Variants in UTP3 observed in about 807,000 individuals in gnomAD.
The protein encoded by UTP3 is something about silencing protein 10.
A neutral mutation model predicts 37.9 loss-of-function variants in UTP3; 19 were observed. The observed-to-expected ratio is 0.50, with a 90% CI of 0.35 to 0.74. The LOEUF is 0.74. UTP3 is among the 30% of genes least tolerant of loss of function. UTP3 has a pLI of 0.01. For synonymous variants in UTP3, 242 were observed against 218.5 expected, an observed-to-expected ratio of 1.11 and a Z score of -0.95; for missense variants, 504 against 570.7, an observed-to-expected ratio of 0.88 and a Z score of 1.19.
In UTP3 at chr4:70,689,166, G is replaced by A. The variant is rs1251959640; in HGVS notation, c.489G>A (p.Glu163=). Residue 163 remains glutamate (E), a synonymous_variant, in exon 1 of 1, where the codon GAG becomes GAA. Coordinates refer to ENST00000254803, the MANE Select transcript of UTP3 (RefSeq NM_020368.3). ...EAEEEEREEE[E]EAQIIQRRLA... ...AGGAGGAGGAAAGAGAGGAGGAGGA[G>A]GAGGCACAGATCATTCAGCGGCGCC... 5.0e-6 allele frequency: 8 copies of A among 1,613,972 alleles called. No homozygotes were observed. The highest frequency in any genetic ancestry group is 4.4e-5 in the South Asian group (4 of 91,076).
rs1224559086 is a variant in UTP3, at chr4:70,689,936, G to C, written c.1259G>C (p.Gly420Ala). ...AITYQIAKNR[G>A]LTPRRKKIDR... ...ACCTATCAAATTGCTAAAAATAGGG[G>C]ACTTACTCCTAGGAGAAAGAAGATT... The change falls in exon 1 of 1, where the codon GGA becomes GCA. Residue 420 changes from glycine (G) to alanine (A), a missense_variant. Physicochemically the swap from Gly to Ala is moderately conservative, Grantham distance 60 (BLOSUM62 0). Coordinates refer to ENST00000254803, the MANE Select transcript of UTP3 (RefSeq NM_020368.3). 9 of 1,613,966 alleles carry C rather than the reference G, an allele frequency of 5.6e-6. No homozygotes were observed. Among genetic ancestry groups the C allele is most frequent in the Non-Finnish European group, 6.8e-6 (8 of 1,180,020 alleles).
rs1012001776 is a variant in UTP3, at chr4:70,688,973, G to T, written c.296G>T (p.Gly99Val). The change falls in exon 1 of 1, where the codon GGG (glycine) becomes GTG (valine). Residue 99 changes from glycine to valine, a missense_variant. Coordinates refer to ENST00000254803, the MANE Select transcript of UTP3 (RefSeq NM_020368.3). ...GACGACGAAGATGGAGGGAATGCGG[G>T]GGAGGAGGAGGAGGAGGAGAATGCC... is the stretch of plus-strand genomic sequence containing the variant. ...DEDDEDGGNA[G>V]EEEEEENADD... 1.9e-6 allele frequency: 3 copies of T among 1,599,950 alleles called. No homozygotes were observed. The highest frequency in any genetic ancestry group is 2.6e-6 in the Non-Finnish European group (3 of 1,171,766).
At position 70,689,250 on chromosome 4, in the gene UTP3, A is replaced by G. The variant is rs779054921; in HGVS notation, c.573A>G (p.Lys191=). The G allele has an allele frequency of 6.2e-7, 1 of 1,614,138 alleles. No individual in the cohort carries two copies. The highest frequency in any genetic ancestry group is 8.5e-7 in the Non-Finnish European group (1 of 1,180,008). Residue 191 remains lysine, a synonymous_variant, in exon 1 of 1, where the codon AAA becomes AAG. Coordinates refer to ENST00000254803, the MANE Select transcript of UTP3 (RefSeq NM_020368.3). ...TCGCCTGGGTTGAGGCCTTTGCAAA[A>G]CCAGTGCCTCAGGTAGATGAGGCTG... ...FGVAWVEAFA[K]PVPQVDEAET...
rs1739583986 is a variant in UTP3 at position 70,689,862 on chromosome 4, T to C, written c.1185T>C (p.Asn395=). The change falls in exon 1 of 1, where the codon AAT becomes AAC. Residue 395 remains asparagine, a synonymous_variant. Coordinates refer to ENST00000254803, the MANE Select transcript of UTP3 (RefSeq NM_020368.3). ...AGCTAAAGAGAAAGAAAGAAGAAAA[T>C]AGCACTGAAGAACAGGCTCTTGAAG... The part of the protein sequence containing the change: ...RQKLKRKKEE[N]STEEQALEDQ... 1 of 1,613,760 alleles carries C rather than the reference T, an allele frequency of 6.2e-7. No homozygotes were observed. Among genetic ancestry groups the C allele is most frequent in the African/African-American group, 1.3e-5 (1 of 74,902 alleles).
chr4:70,688,818 G>C lies in UTP3; in HGVS notation c.141G>C (p.Gln47His). The stretch of plus-strand genomic sequence containing the variant: ...GGGACACCAGCTACTACCAAGATCA[G>C]GTAGATGACTTTCATGAGGCACGAT... Reference protein sequence around the residue: ...SPGDTSYYQDQVDDFHEARSR... With the variant: ...SPGDTSYYQDHVDDFHEARSR... The change falls in exon 1 of 1, where the codon CAG becomes CAC. Residue 47 changes from glutamine (Q) to histidine (H), a missense_variant. Gln to His is a conservative substitution (Grantham distance 24, BLOSUM62 0). Transcript: ENST00000254803. 1 of 1,614,144 alleles carries C rather than the reference G, an allele frequency of 6.2e-7. No homozygotes were observed. The highest frequency in any genetic ancestry group is 8.5e-7 in the Non-Finnish European group (1 of 1,180,028).
At position 70,689,093 on chromosome 4, in the gene UTP3, C is replaced by A. The variant is rs751118443; in HGVS notation, c.416C>A (p.Thr139Lys). Reference protein sequence around the residue: ...WGQRKKLYYDTDYGSKSRGRQ... With the variant: ...WGQRKKLYYDKDYGSKSRGRQ... ...CAGAGGAAAAAACTTTACTATGACA[C>A]GGACTATGGTTCCAAGTCCCGAGGC... The change falls in exon 1 of 1, where the codon ACG (threonine) becomes AAG (lysine). Residue 139 changes from threonine (T) to lysine (K), a missense_variant. Transcript: ENST00000254803. 2 of 1,610,196 alleles carry A rather than the reference C, an allele frequency of 1.2e-6. No individual in the cohort carries two copies.
rs1216419965 is a variant in UTP3, at chr4:70,689,941, A to C, written c.1264A>C (p.Thr422Pro). 2 of 1,613,994 alleles carry C rather than the reference A, an allele frequency of 1.2e-6. No individual in the cohort carries two copies. Among genetic ancestry groups the C allele is most frequent in the Non-Finnish European group, 1.7e-6 (2 of 1,180,006 alleles). The part of the protein sequence containing the change: ...TYQIAKNRGL[T>P]PRRKKIDRNP... ...TCAAATTGCTAAAAATAGGGGACTT[A>C]CTCCTAGGAGAAAGAAGATTGATCG... The change falls in exon 1 of 1, where the codon ACT becomes CCT. Residue 422 changes from threonine (T) to proline (P), a missense_variant. Transcript: ENST00000254803.
At position 70,688,810 on chromosome 4, in the gene UTP3, C is replaced by T; in HGVS notation, c.133C>T (p.Gln45Ter). 6.2e-7 allele frequency: 1 copy of T among 1,614,132 alleles called. No homozygotes were observed. Among genetic ancestry groups the T allele is most frequent in the Non-Finnish European group, 8.5e-7 (1 of 1,180,038 alleles). The change falls in exon 1 of 1, where the codon CAA becomes TAA. Residue 45 changes from glutamine to a stop codon, truncating the protein, a stop_gained. Transcript: ENST00000254803. LOFTEE classifies it high-confidence loss of function. ...PPSPGDTSYY[Q>*]DQVDDFHEAR... The stretch of plus-strand genomic sequence containing the variant: ...CTCACCAGGGGACACCAGCTACTAC[C>T]AAGATCAGGTAGATGACTTTCATGA...
Position 70,690,080 on chromosome 4 carries a change from T to C in UTP3, c.1403T>C (p.Ile468Thr). Residue 468 changes from isoleucine (I) to threonine (T), a missense_variant, in exon 1 of 1, where the codon ATT becomes ACT. Ile to Thr is a moderately conservative substitution (Grantham distance 89, BLOSUM62 -1). Coordinates refer to ENST00000254803, the MANE Select transcript of UTP3 (RefSeq NM_020368.3). ...CGTTATAGTGGTGAATTATCTGGCATTCGTGCAGGAGTTAAAAAGAGCATT... is the reference window on the plus strand; with the variant it reads ...CGTTATAGTGGTGAATTATCTGGCACTCGTGCAGGAGTTAAAAAGAGCATT... ...EQRYSGELSGIRAGVKKSIKL... is the reference protein window; with the variant it reads ...EQRYSGELSGTRAGVKKSIKL... The C allele has an allele frequency of 6.2e-7, 1 of 1,610,590 alleles. No individual in the cohort carries two copies. Among genetic ancestry groups the C allele is most frequent in the Non-Finnish European group, 8.5e-7 (1 of 1,179,166 alleles).
chr4:70,688,944 T>C lies in UTP3; in HGVS notation c.267T>C (p.Asp89=). ...AGGTGCTAGCCCTAGATATGGACGA[T>C]GAGGACGACGAAGATGGAGGGAATG... ...EEEVLALDMD[D]EDDEDGGNAG... The change falls in exon 1 of 1, where the codon GAT becomes GAC. Residue 89 remains aspartate, a synonymous_variant. Transcript: ENST00000254803. The C allele has an allele frequency of 1.2e-6, 2 of 1,607,568 alleles. No individual in the cohort carries two copies. The highest frequency in any genetic ancestry group is 1.7e-6 in the Non-Finnish European group (2 of 1,176,602).
rs920450837 is a variant in UTP3 at position 70,690,233 on chromosome 4, G to A, written c.*116G>A. On this transcript the variant is annotated 3_prime_UTR_variant, in exon 1 of 1. Transcript: ENST00000254803. ...AATTTTAAAAATTCTTGTCCACAAG[G>A]AAATTTGTCTGGGTTATTGGACAAT... The A allele has an allele frequency of 1.9e-5, 22 of 1,144,104 alleles. No homozygotes were observed. The African/African-American group carries it at 3.2e-4, about 17-fold the overall frequency. The allele number at this position is 1,144,104 out of a possible 1,614,324, so 70.9% of individuals were successfully genotyped here.
In UTP3 at chr4:70,688,920, G is replaced by A; in HGVS notation, c.243G>A (p.Glu81=). The A allele has an allele frequency of 6.2e-7, 1 of 1,612,868 alleles. No homozygotes were observed. The highest frequency in any genetic ancestry group is 1.1e-5 in the South Asian group (1 of 90,942). ...AGGATGGCGAGGAGGAGGAGGAGGA[G>A]GTGCTAGCCCTAGATATGGACGATG... The part of the protein sequence containing the change: ...DEEDGEEEEE[E]VLALDMDDED... The change falls in exon 1 of 1, where the codon GAG becomes GAA. Residue 81 remains glutamate, a synonymous_variant. Transcript: ENST00000254803.
At position 70,688,980 on chromosome 4, in the gene UTP3, G is replaced by C; in HGVS notation, c.303G>C (p.Glu101Asp). The change falls in exon 1 of 1, where the codon GAG becomes GAC. Residue 101 changes from glutamate (E) to aspartate (D), a missense_variant. Coordinates refer to ENST00000254803, the MANE Select transcript of UTP3 (RefSeq NM_020368.3). ...DDEDGGNAGE[E>D]EEEENADDDG... Reference sequence around the variant, plus strand: ...AAGATGGAGGGAATGCGGGGGAGGAGGAGGAGGAGGAGAATGCCGATGATG... The same window carrying C: ...AAGATGGAGGGAATGCGGGGGAGGACGAGGAGGAGGAGAATGCCGATGATG... The C allele has an allele frequency of 2.5e-6, 4 of 1,597,734 alleles. No individual in the cohort carries two copies. The highest frequency in any genetic ancestry group is 2.6e-6 in the Non-Finnish European group (3 of 1,170,654).
In UTP3 at chr4:70,690,154, A is replaced by G; in HGVS notation, c.*37A>G. On this transcript the variant is annotated 3_prime_UTR_variant, in exon 1 of 1. Coordinates refer to ENST00000254803, the MANE Select transcript of UTP3 (RefSeq NM_020368.3). ...AGCATAAGGTTTTTGGCAGTTTTGG[A>G]TCAATAAATTTTTACTTTTAACTAA... 1 of 1,522,532 alleles carries G rather than the reference A, an allele frequency of 6.6e-7. No individual in the cohort carries two copies. Among genetic ancestry groups the G allele is most frequent in the Non-Finnish European group, 8.8e-7 (1 of 1,139,932 alleles). 94.3% of individuals were successfully genotyped at this position (1,522,532 alleles called of 1,614,324 possible). A position where few individuals can be genotyped will look rare whatever the true frequency, so the allele number is the denominator to read the frequency against.
At position 70,689,141 on chromosome 4, in the gene UTP3, A is replaced by G. The variant is rs1231397171; in HGVS notation, c.464A>G (p.Glu155Gly). 3 of 1,613,738 alleles carry G rather than the reference A, an allele frequency of 1.9e-6. No individual in the cohort carries two copies. The highest frequency in any genetic ancestry group is 1.3e-5 in the African/African-American group (1 of 74,834). Residue 155 changes from glutamate (E) to glycine (G), a missense_variant, in exon 1 of 1, where the codon GAG becomes GGG. Transcript: ENST00000254803. ...GGCCGGCAGAGTCAACAGGAGGCAG[A>G]GGAGGAGGAAAGAGAGGAGGAGGAG... ...SRGRQSQQEA[E>G]EEEREEEEEA...
chr4:70,690,357 C>CT lies in UTP3; in HGVS notation c.*242dup, dbSNP rs1437674771. ...GAAGTTTTCCAATATTAAGTATTAGCTTAGGGAAATTTCACAGTTCATTGT... is the reference window on the plus strand; with the variant it reads ...GAAGTTTTCCAATATTAAGTATTAGCTTTAGGGAAATTTCACAGTTCATTGT... On this transcript the variant is annotated 3_prime_UTR_variant, in exon 1 of 1. Coordinates refer to ENST00000254803, the MANE Select transcript of UTP3 (RefSeq NM_020368.3). The CT allele has an allele frequency of 3.2e-6, 1 of 314,384 alleles. No individual in the cohort carries two copies. Among genetic ancestry groups the CT allele is most frequent in the Non-Finnish European group, 5.8e-6 (1 of 171,676 alleles). The allele number at this position is 314,384 out of a possible 1,614,324, so 19.5% of individuals were successfully genotyped here.
Position 70,690,041 on chromosome 4 carries a change from G to T in UTP3, c.1364G>T (p.Arg455Leu), listed in dbSNP as rs370936337. 1 of 1,614,074 alleles carries T rather than the reference G, an allele frequency of 6.2e-7. No homozygotes were observed. Among genetic ancestry groups the T allele is most frequent in the Non-Finnish European group, 8.5e-7 (1 of 1,180,018 alleles). The change falls in exon 1 of 1, where the codon CGT becomes CTT. Residue 455 changes from arginine to leucine, a missense_variant. Arg to Leu is a moderately radical substitution (Grantham distance 102). Coordinates refer to ENST00000254803, the MANE Select transcript of UTP3 (RefSeq NM_020368.3). Reference protein sequence around the residue: ...IRRRGQVREVRKEEQRYSGEL... With the variant: ...IRRRGQVREVLKEEQRYSGEL... ...AGAAGAGGCCAGGTTCGTGAAGTTC[G>T]TAAAGAAGAGCAACGTTATAGTGGT...
In UTP3 at chr4:70,690,192, A is replaced by G; in HGVS notation, c.*75A>G. 1 of 1,389,510 alleles carries G rather than the reference A, an allele frequency of 7.2e-7. No homozygotes were observed. The highest frequency in any genetic ancestry group is 2.6e-5 in the East Asian group (1 of 39,154). 86.1% of individuals were successfully genotyped at this position (1,389,510 alleles called of 1,614,324 possible). A position where few individuals can be genotyped will look rare whatever the true frequency, so the allele number is the denominator to read the frequency against. On this transcript the variant is annotated 3_prime_UTR_variant, in exon 1 of 1. Transcript: ENST00000254803. The stretch of plus-strand genomic sequence containing the variant: ...TACTTTTAACTAAAGTCATTGTATT[A>G]ATATATAATACTTTAAATTTTAAAA...
Position 70,688,549 on chromosome 4 carries a change from C to T in UTP3, c.-129C>T. 5.4e-6 allele frequency: 5 copies of T among 925,360 alleles called. No individual in the cohort carries two copies. The highest frequency in any genetic ancestry group is 8.0e-6 in the Non-Finnish European group (5 of 628,366). 57.3% of individuals were successfully genotyped at this position (925,360 alleles called of 1,614,324 possible). A position where few individuals can be genotyped will look rare whatever the true frequency, so the allele number is the denominator to read the frequency against. ...GAAATTCCAGTAGCCGATCAGGAGT[C>T]TGCAAACTCCGGTGGTAGGGGAGCG... On this transcript the variant is annotated 5_prime_UTR_variant, in exon 1 of 1. Transcript: ENST00000254803.
Sources: gnomAD v4.1 joint callset for allele counts on GRCh38, gnomAD v4.1.1 for gene constraint, MANE v1.5 for transcripts, NCBI Gene and HGNC (gene_info 2026-07-23, HGNC 2026-07-21) for gene names.